Variants in MSLN observed in about 807,000 individuals in gnomAD.
MSLN encodes CAK1 antigen.
In MSLN, 82 loss-of-function variants were observed where a neutral mutation model predicts 72.6. The ratio of observed to expected loss-of-function variants is 1.13; its 90% CI spans 0.94 to 1.36. The LOEUF (loss-of-function observed/expected upper bound fraction) is 1.36, where lower values mean the gene tolerates loss of function less well. MSLN is among the 40% of genes most tolerant of loss of function. The pLI is 0.00. For synonymous variants in MSLN, 456 were observed against 387.3 expected (o/e 1.18, Z -2.08); for missense variants, 1,005 against 847.9 (o/e 1.19, Z -2.30).
At chr16:762,253 G>A (rs1201455208) in intron 2 of MSLN, among the ~76,000 whole-genome samples, 1 of 152,258 alleles carries the variant, frequency 6.6e-6, no homozygotes, top group African/African-American at 2.4e-5. Flanking sequence ...GGCACCTGCA[G>A]CTGAGGGCAG....
In MSLN at chr16:765,809, G is replaced by A. The variant is rs774140357; in HGVS notation, c.895+19G>A. The A allele has an allele frequency of 1.1e-5, 18 of 1,590,948 alleles. No homozygotes were observed. Among genetic ancestry groups the A allele is most frequent in the African/African-American group, 9.4e-5 (7 of 74,804 alleles). ...GTGGAGAGTGAGTGCCGTGCCCTGC[G>A]CAGTCTGGCACCAGGCTGGGCAGCA... On this transcript the variant is annotated intron_variant, in intron 11 of 17. Transcript: ENST00000545450.
At position 766,757 on chromosome 16, in the gene MSLN, C is replaced by G; in HGVS notation, c.1320C>G (p.Tyr440Ter). The G allele has an allele frequency of 6.2e-7, 1 of 1,612,658 alleles. No individual in the cohort carries two copies. The highest frequency in any genetic ancestry group is 8.5e-7 in the Non-Finnish European group (1 of 1,179,896). The change falls in exon 14 of 18, where the codon TAC becomes TAG. Residue 440 changes from tyrosine to a stop codon, truncating the protein, a stop_gained. Transcript: ENST00000545450. LOFTEE classifies it high-confidence loss of function. ...LDTLTAFYPG[Y>*]LCSLSPEELS... is the part of the protein sequence containing the mutation. ...CCCTGACCGCCTTCTACCCTGGGTA[C>G]CTGTGCTCCCTCAGCCCCGAGGAGC...
At position 768,367 on chromosome 16, in the gene MSLN, G is replaced by T; in HGVS notation, c.1597-12G>T. On this transcript the variant is annotated splice_polypyrimidine_tract_variant and intron_variant, in intron 16 of 17. Coordinates refer to ENST00000545450, the MANE Select transcript of MSLN (RefSeq NM_005823.6). The stretch of plus-strand genomic sequence containing the variant: ...GAGACCCTCCTTGATGGCTGCCCGG[G>T]GTCTCTGGCAGCCGTTGACTGTGGC... The T allele has an allele frequency of 6.7e-7, 1 of 1,502,028 alleles. No homozygotes were observed. Among genetic ancestry groups the T allele is most frequent in the Non-Finnish European group, 8.9e-7 (1 of 1,124,088 alleles). The allele number at this position is 1,502,028 out of a possible 1,614,324, so 93.0% of individuals were successfully genotyped here.
At chr16:763,833 C>T (rs1047840435) in intron 5 of MSLN, 142 bp downstream of exon 5, 53 of 783,876 alleles carry the variant, frequency 6.8e-5, no homozygotes, top group Middle Eastern at 3.7e-4. Context: ...CTCAGGACTG[C>T]GGGAGGGACT....
rs768911503 is a variant in MSLN at position 766,378 on chromosome 16, G to C, written c.1118G>C (p.Gly373Ala). ...GYPESVIQHL[G>A]YLFLKMSPED... is the part of the protein sequence containing the mutation. ...CCCGAGTCTGTGATCCAGCACCTGG[G>C]CTACCTCTTCCTCAAGATGAGCCCT... The change falls in exon 13 of 18, where the codon GGC (glycine) becomes GCC (alanine). Residue 373 changes from glycine to alanine, a missense_variant. Coordinates refer to ENST00000545450, the MANE Select transcript of MSLN (RefSeq NM_005823.6). 3 of 1,612,724 alleles carry C rather than the reference G, an allele frequency of 1.9e-6. No homozygotes were observed. The Admixed American group carries it at 5.0e-5, about 27-fold the overall frequency.
rs768532226 is a variant in MSLN, at chr16:768,558, C to T, written c.1776C>T (p.Ser592=). 27 of 1,607,056 alleles carry T rather than the reference C, an allele frequency of 1.7e-5. No homozygotes were observed. Among genetic ancestry groups the T allele is most frequent in the African/African-American group, 2.7e-5 (2 of 74,710 alleles). ...IPNGYLVLDL[S]MQEALSGTPC... Reference sequence around the variant, plus strand: ...ACGGCTACCTGGTCCTAGACCTCAGCATGCAAGGTGGGCGGGGCGGCCAGG... The same window carrying T: ...ACGGCTACCTGGTCCTAGACCTCAGTATGCAAGGTGGGCGGGGCGGCCAGG... Residue 592 remains serine, a synonymous_variant, in exon 17 of 18, where the codon AGC becomes AGT. Coordinates refer to ENST00000545450, the MANE Select transcript of MSLN (RefSeq NM_005823.6).
chr16:761,338 G>A lies in MSLN; in HGVS notation c.-10+164G>A, dbSNP rs183576598. Among the ~76,000 whole-genome samples the A allele has an allele frequency of 5.1e-3, 777 of 152,364 alleles. 2 individuals are homozygous for A. Among genetic ancestry groups the A allele is most frequent in the Non-Finnish European group, 7.3e-3 (496 of 68,042 alleles). On this transcript the variant is annotated intron_variant, in intron 2 of 17. Transcript: ENST00000545450. Reference sequence around the variant, plus strand: ...CCGCAGGGCACACGCAGACCCATTTGTTTGGAAGCGGCAGTCCTAAGGCAG... The same window carrying A: ...CCGCAGGGCACACGCAGACCCATTTATTTGGAAGCGGCAGTCCTAAGGCAG...
chr16:764,878 G>T (rs752137081), intron 7 of MSLN, 29 bp from the exon 8 acceptor site: 1 of 1,607,576 alleles, frequency 6.2e-7, no homozygotes, highest in South Asian at 1.1e-5. Context: ...TGATCAGTGC[G>T]GCCTGTCCCC....
rs372410252 is a variant in MSLN at position 762,732 on chromosome 16, C to G, written c.52C>G (p.Leu18Val). The G allele has an allele frequency of 3.2e-5, 52 of 1,602,590 alleles. No individual in the cohort carries two copies. Among genetic ancestry groups the G allele is most frequent in the South Asian group, 4.5e-5 (4 of 89,626 alleles). ...GTTGGGGTCCTGTGGGACCCCCGCC[C>G]TCGGCAGCCTCCTGTTCCTGCTCTT... ...PLLGSCGTPA[L>V]GSLLFLLFSL... The change falls in exon 3 of 18, where the codon CTC becomes GTC. Residue 18 changes from leucine (L) to valine (V), a missense_variant. Leu to Val is a conservative substitution (Grantham distance 32, BLOSUM62 1). Coordinates refer to ENST00000545450, the MANE Select transcript of MSLN (RefSeq NM_005823.6).
In MSLN at chr16:766,713, G is replaced by A. The variant is rs2041614954; in HGVS notation, c.1276G>A (p.Asp426Asn). The change falls in exon 14 of 18, where the codon GAC becomes AAC. Residue 426 changes from aspartate to asparagine, a missense_variant. Physicochemically the swap from Asp to Asn is conservative, Grantham distance 23. Transcript: ENST00000545450. ...CTTTGTGAAGGGAAGGGGCCAGCTA[G>A]ACAAAGACACCCTAGACACCCTGAC... ...DRFVKGRGQLDKDTLDTLTAF... is the reference protein window; with the variant it reads ...DRFVKGRGQLNKDTLDTLTAF... The A allele has an allele frequency of 6.2e-7, 1 of 1,612,622 alleles. No homozygotes were observed. The highest frequency in any genetic ancestry group is 8.5e-7 in the Non-Finnish European group (1 of 1,179,894).
chr16:764,360 G>A (rs980747207), intron 6 of MSLN, among the ~76,000 whole-genome samples: 4 of 152,242 alleles, frequency 2.6e-5, no homozygotes, highest in African/African-American at 4.8e-5. Flanking sequence ...CTGATATGAC[G>A]CTGTGTGCTG....
At position 765,720 on chromosome 16, in the gene MSLN, C is replaced by T. The variant is rs2041598115; in HGVS notation, c.825C>T (p.Ser275=). Residue 275 remains serine (S), a synonymous_variant, in exon 11 of 18, where the codon TCC becomes TCT. Transcript: ENST00000545450. ...TCGTGGCCGCGTGGCGGCAACGCTCCTCTCGGGACCCATCCTGGCGGCAGC... is the reference window on the plus strand; with the variant it reads ...TCGTGGCCGCGTGGCGGCAACGCTCTTCTCGGGACCCATCCTGGCGGCAGC... The part of the protein sequence containing the change: ...QGIVAAWRQR[S]SRDPSWRQPE... The T allele has an allele frequency of 6.2e-7, 1 of 1,601,016 alleles. No individual in the cohort carries two copies. Among genetic ancestry groups the T allele is most frequent in the Non-Finnish European group, 8.5e-7 (1 of 1,179,602 alleles).
chr16:763,634 G>T lies in MSLN; in HGVS notation c.130-8G>T. ...CTGAGCCATGTTCAGCAGGCCCTGT[G>T]TCCCCAGGAGGCTGCGCCCCTGGAC... On this transcript the variant is annotated splice_polypyrimidine_tract_variant and splice_region_variant and intron_variant, in intron 4 of 17. Coordinates refer to ENST00000545450, the MANE Select transcript of MSLN (RefSeq NM_005823.6). The T allele has an allele frequency of 6.3e-7, 1 of 1,597,400 alleles. No individual in the cohort carries two copies. The highest frequency in any genetic ancestry group is 1.1e-5 in the South Asian group (1 of 90,184).
At chr16:767,138 C>T (rs1032278684) in intron 15 of MSLN, 126 bp downstream of exon 15, 1 of 1,463,308 alleles carries the variant, frequency 6.8e-7, no homozygotes, top group African/African-American at 1.4e-5. Context: ...GTCACCCGCC[C>T]TCTGCCCCCC....
rs755174160 is a variant in MSLN, at chr16:765,240, C to G, written c.641C>G (p.Pro214Arg). 1 of 1,584,450 alleles carries G rather than the reference C, an allele frequency of 6.3e-7. No individual in the cohort carries two copies. The highest frequency in any genetic ancestry group is 1.7e-5 in the Admixed American group (1 of 57,574). Residue 214 changes from proline to arginine, a missense_variant, in exon 9 of 18, where the codon CCC (proline) becomes CGC (arginine). By Grantham distance (103) the Pro-to-Arg change is moderately radical. Coordinates refer to ENST00000545450, the MANE Select transcript of MSLN (RefSeq NM_005823.6). ...CCCCGGCTGGTGAGCTGCCCGGGAC[C>G]CCTGGACCAGGACCAGCAGGAGGCA... ...LLPRLVSCPG[P>R]LDQDQQEAAR...
At chr16:763,811 G>T in intron 5 of MSLN, 120 bp downstream of exon 5, 1 of 25,976 alleles carries the variant, frequency 3.8e-5, no homozygotes, top group Admixed American at 1.1e-3. Context: ...CTCCACCTCA[G>T]ATCTGACTGG....
intron 2 of MSLN, 74 bp from the exon 3 acceptor site, chr16:762,597 TG>T: frequency 1.7e-6 from 2 of 1,145,264 alleles, no homozygotes; most frequent in Non-Finnish European, 2.6e-6. Flanking sequence ...TGGGCCCATG[TG>T]GCCCCAGGCT....
intron 1 of MSLN, 41 bp from the exon 2 acceptor site, chr16:761,032 G>T (rs1054154106): frequency 6.6e-6 from 1 of 152,276 alleles, no homozygotes; most frequent in African/African-American, 2.4e-5. Flanking sequence ...ATTGGCCCGC[G>T]ATCTGAAAGG....
rs1226284521 is a variant in MSLN, at chr16:766,106, C to T, written c.943C>T (p.Leu315Phe). ...GKKAREIDES[L>F]IFYKKWELEA... ...GAAGGCCCGCGAGATAGACGAGAGCCTCATCTTCTACAAGAAGTGGGAGCT... is the reference window on the plus strand; with the variant it reads ...GAAGGCCCGCGAGATAGACGAGAGCTTCATCTTCTACAAGAAGTGGGAGCT... The change falls in exon 12 of 18, where the codon CTC (leucine) becomes TTC (phenylalanine). Residue 315 changes from leucine to phenylalanine, a missense_variant. Physicochemically the swap from Leu to Phe is conservative, Grantham distance 22. Coordinates refer to ENST00000545450, the MANE Select transcript of MSLN (RefSeq NM_005823.6). 1 of 1,612,674 alleles carries T rather than the reference C, an allele frequency of 6.2e-7. No homozygotes were observed. The highest frequency in any genetic ancestry group is 1.3e-5 in the African/African-American group (1 of 75,072).
Sources: gnomAD v4.1 joint callset for allele counts (sites outside exome capture counted in the v4.1 genomes callset) on GRCh38, gnomAD v4.1.1 for gene constraint, MANE v1.5 for transcripts, NCBI Gene and HGNC (gene_info 2026-07-23, HGNC 2026-07-21) for gene names.